Variants in EPRS1 observed in about 807,000 individuals in gnomAD.
EPRS1 encodes the protein bifunctional glutamate/proline--tRNA ligase.
A neutral mutation model predicts 188.3 loss-of-function variants in EPRS1; 107 were observed. The observed-to-expected ratio is 0.57, with a 90% CI of 0.49 to 0.67. The LOEUF (loss-of-function observed/expected upper bound fraction) is 0.67. EPRS1 is among the 30% of genes least tolerant of loss of function. The probability of loss-of-function intolerance (pLI) is 0.00; values close to 1 mark genes in which losing one functional copy is unlikely to be tolerated. For missense variants in EPRS1, 1,577 were observed against 1,802.2 expected (o/e 0.88, Z 2.26); for synonymous variants, 596 against 593.1 (o/e 1.00, Z -0.07).
chr1:220,022,322 A>T, intron 9 of EPRS1, 25 bp downstream of exon 9: 1 of 1,591,834 alleles, frequency 6.3e-7, no homozygotes, highest in Non-Finnish European at 8.6e-7. Context: ...ATGGCTACCT[A>T]GCATATTGAA....
chr1:220,004,151 T>C (rs1182537919), intron 16 of EPRS1, among the ~76,000 whole-genome samples: 1 of 152,144 alleles, frequency 6.6e-6, no homozygotes, highest in Non-Finnish European at 1.5e-5. Context: ...CCTCACCTGC[T>C]TGAGCAGTGA....
Position 219,969,069 on chromosome 1 carries a change from C to T in EPRS1, c.4377G>A (p.Lys1459=). 2 of 1,613,230 alleles carry T rather than the reference C, an allele frequency of 1.2e-6. No homozygotes were observed. The highest frequency in any genetic ancestry group is 1.7e-6 in the Non-Finnish European group (2 of 1,179,176). The part of the protein sequence containing the change: ...GEIDCEDWIK[K]TTARDQDLEP... ...TTAATTAGGTTTACCTGGCAGTGGT[C>T]TTTTTGATCCAGTCCTCACAGTCAA... Residue 1459 remains lysine (K), a synonymous_variant, in exon 31 of 32, where the codon AAG becomes AAA. Transcript: ENST00000366923.
chr1:219,976,571 T>C (rs1466823665), intron 28 of EPRS1, among the ~76,000 whole-genome samples: 1 of 152,178 alleles, frequency 6.6e-6, no homozygotes, highest in Non-Finnish European at 1.5e-5. Context: ...AGCATCTTAT[T>C]TTCAAATGAT....
intron 5 of EPRS1, among the ~76,000 whole-genome samples, chr1:220,030,951 G>A (rs1662072036): frequency 6.6e-6 from 1 of 152,186 alleles, no homozygotes; most frequent in East Asian, 1.9e-4. Flanking sequence ...AATTAGCTGG[G>A]CCTGGCGGCG....
chr1:220,010,403 A>G (rs1661578623), intron 13 of EPRS1, among the ~76,000 whole-genome samples: 1 of 152,228 alleles, frequency 6.6e-6, no homozygotes, highest in Non-Finnish European at 1.5e-5. Context: ...GCACCAACTG[A>G]GCATAACAGT....
chr1:220,012,916 A>ACT (rs1661634741), intron 12 of EPRS1, among the ~76,000 whole-genome samples: 1 of 101,678 alleles, frequency 9.8e-6, no homozygotes, highest in Admixed American at 1.1e-4. Context: ...TTTAATTTTC[A>ACT]AGAAAACTTT....
intron 10 of EPRS1, among the ~76,000 whole-genome samples, chr1:220,019,439 A>AG (rs1414312003): frequency 6.6e-6 from 1 of 152,256 alleles, no homozygotes; most frequent in African/African-American, 2.4e-5. Flanking sequence ...ATCAGAAAAA[A>AG]GATGGTATCC....
At chr1:220,004,645 T>C (rs1174807407) in intron 16 of EPRS1, among the ~76,000 whole-genome samples, 1 of 152,188 alleles carries the variant, frequency 6.6e-6, no homozygotes, top group Non-Finnish European at 1.5e-5. Context: ...GAGTTTGAAA[T>C]GCTTGAAAGA....
chr1:220,019,746 G>C (rs1228203662), intron 10 of EPRS1, among the ~76,000 whole-genome samples: 7 of 152,160 alleles, frequency 4.6e-5, no homozygotes, highest in Non-Finnish European at 8.8e-5. Context: ...GACCTGCAGA[G>C]GATGTGCCCT....
At chr1:220,027,549 G>A (rs6681471) in intron 6 of EPRS1, among the ~76,000 whole-genome samples, 116,639 of 145,334 alleles carry the variant, frequency 0.8, 46,878 homozygotes, top group East Asian at 0.93. Flanking sequence ...CCAAGATCGC[G>A]CCACTGCACG....
intron 2 of EPRS1, among the ~76,000 whole-genome samples, chr1:220,039,062 T>C (rs557841978): frequency 1.3e-5 from 2 of 152,272 alleles, no homozygotes; most frequent in South Asian, 2.1e-4. Flanking sequence ...AGTGGGCATG[T>C]TGGGTTGTGA....
intron 21 of EPRS1, among the ~76,000 whole-genome samples, 160 bp from the exon 22 acceptor site, chr1:219,983,558 T>C (rs1471519475): frequency 6.6e-6 from 1 of 152,134 alleles, no homozygotes; most frequent in African/African-American, 2.4e-5. Flanking sequence ...GACCTGACTA[T>C]ACTGAAAAAC....
chr1:220,039,645 G>C (rs1571700650), intron 2 of EPRS1, among the ~76,000 whole-genome samples: 1 of 151,590 alleles, frequency 6.6e-6, no homozygotes, highest in African/African-American at 2.4e-5. Flanking sequence ...CAGCCTCCCA[G>C]GTAGCTGGGA....
rs1430485699 is a variant in EPRS1 at position 220,020,175 on chromosome 1, C to T, written c.1162G>A (p.Glu388Lys). The change falls in exon 10 of 32, where the codon GAA becomes AAA. Residue 388 changes from glutamate (E) to lysine (K), a missense_variant. Glu to Lys is a moderately conservative substitution (Grantham distance 56). This residue lies in a region of EPRS1 where 1,278 missense variants were observed against 1,457.4 expected (regional missense o/e 0.88). Transcript: ENST00000366923. The part of the protein sequence containing the change: ...DFACPIVDSI[E>K]GVTHALRTTE... ...GTTCTCAGGGCATGTGTAACACCTT[C>T]GATGCTGTCAACTATGGGGCAGGCA... The T allele has an allele frequency of 4.3e-6, 7 of 1,613,726 alleles. No individual in the cohort carries two copies. The highest frequency in any genetic ancestry group is 2.2e-5 in the South Asian group (2 of 91,056).
chr1:220,025,020 G>A, intron 7 of EPRS1, 112 bp downstream of exon 7: 2 of 1,043,936 alleles, frequency 1.9e-6, no homozygotes, highest in Non-Finnish European at 3.0e-6. Flanking sequence ...TATAGATAGG[G>A]AAAAAAGCAG....
chr1:219,998,914 A>G (rs963520556), intron 17 of EPRS1, among the ~76,000 whole-genome samples: 1 of 86,556 alleles, frequency 1.2e-5, no homozygotes, highest in East Asian at 2.5e-4. Flanking sequence ...TATGAGTGTA[A>G]CACCAAAAAA....
intron 12 of EPRS1, among the ~76,000 whole-genome samples, chr1:220,017,263 A>G (rs190693228): frequency 2.4e-4 from 37 of 152,324 alleles, no homozygotes; most frequent in Middle Eastern, 3.4e-3. Flanking sequence ...AGAAGAGATG[A>G]AAGTGCTTTC....
chr1:220,011,790 T>G (rs1661609953), intron 12 of EPRS1, among the ~76,000 whole-genome samples: 1 of 152,252 alleles, frequency 6.6e-6, no homozygotes, highest in Non-Finnish European at 1.5e-5. Flanking sequence ...GATGTATTTT[T>G]CTCACTTCAC....
chr1:219,987,493 C>T (rs1020727645), intron 19 of EPRS1, 89 bp from the exon 20 acceptor site: 3 of 1,171,822 alleles, frequency 2.6e-6, no homozygotes, highest in Middle Eastern at 2.8e-4. Flanking sequence ...ATGCTCAAAG[C>T]TTTCTTTTTT....
Sources: gnomAD v4.1 joint callset for allele counts (sites outside exome capture counted in the v4.1 genomes callset) on GRCh38, gnomAD v4.1.1 for gene constraint, gnomAD v4.1.1 regional missense constraint, MANE v1.5 for transcripts, NCBI Gene and HGNC (gene_info 2026-07-23, HGNC 2026-07-21) for gene names.